GREB1L: variants seen among roughly 807,000 people sequenced by gnomAD.
GREB1L encodes the protein GREB1 like retinoic acid receptor coactivator.
Under a neutral mutation model 200.8 loss-of-function variants are expected in GREB1L, and 17 were observed. The ratio of observed to expected loss-of-function variants is 0.08; its 90% CI spans 0.06 to 0.13. GREB1L has a LOEUF of 0.13. Ranked by LOEUF, GREB1L falls within the 10% of genes least tolerant of loss-of-function variation. The pLI, the probability that GREB1L is intolerant of heterozygous loss-of-function variation, is 1.00. For synonymous variants in GREB1L, 789 were observed against 893.0 expected (o/e 0.88, Z 2.08); for missense variants, 1,657 against 2,367.7 (o/e 0.70, Z 6.23).
chr18:21,432,158 C>A lies in GREB1L; in HGVS notation c.833-7363C>A, dbSNP rs561503746. Among the ~76,000 whole-genome samples, 22 of 152,092 alleles carry A rather than the reference C, an allele frequency of 1.4e-4. 2 individuals are homozygous for A. The South Asian group carries it at 4.6e-3, about 32-fold the overall frequency. On this transcript the variant is annotated intron_variant, in intron 7 of 32. Coordinates refer to ENST00000424526, the MANE Select transcript of GREB1L (RefSeq NM_001142966.3). ...CAAGGTGGTTTCCATCTCCTGACTTCATGATCCGCCCACCTCGGCCTCCCA... is the reference window on the plus strand; with the variant it reads ...CAAGGTGGTTTCCATCTCCTGACTTAATGATCCGCCCACCTCGGCCTCCCA...
intron 17 of GREB1L, among the ~76,000 whole-genome samples, chr18:21,478,791 A>G (rs1439062419): frequency 6.6e-6 from 1 of 152,224 alleles, no homozygotes; most frequent in African/African-American, 2.4e-5. Context: ...CCAAACTACA[A>G]GGGGAGCCTG....
chr18:21,290,808 G>T (rs2038436524), intron 1 of GREB1L, among the ~76,000 whole-genome samples: 1 of 133,692 alleles, frequency 7.5e-6, no homozygotes, highest in Non-Finnish European at 1.5e-5. Flanking sequence ...CTGGGCAACA[G>T]AGCAAGACTC....
At chr18:21,475,486 G>A (rs902237473) in intron 16 of GREB1L, among the ~76,000 whole-genome samples, 1 of 152,080 alleles carries the variant, frequency 6.6e-6, no homozygotes, top group African/African-American at 2.4e-5. Context: ...AGCCTCCTGA[G>A]TAGCTGGGAT....
intron 10 of GREB1L, among the ~76,000 whole-genome samples, chr18:21,442,177 A>G (rs990071284): frequency 3.3e-5 from 5 of 152,186 alleles, no homozygotes; most frequent in African/African-American, 4.8e-5. Context: ...CCTACATTCC[A>G]GGACTAACTT....
intron 4 of GREB1L, among the ~76,000 whole-genome samples, chr18:21,386,974 T>A (rs1410251211): frequency 6.6e-6 from 1 of 152,188 alleles, no homozygotes; most frequent in East Asian, 1.9e-4. Flanking sequence ...CTCTATTTAC[T>A]TAAGGCTCAA....
chr18:21,521,416 AAAC>A (rs1412456414), intron 32 of GREB1L, among the ~76,000 whole-genome samples: 1 of 152,056 alleles, frequency 6.6e-6, no homozygotes, highest in African/African-American at 2.4e-5. Flanking sequence ...AACTAAGATT[AAAC>A]ATCACAGATA....
chr18:21,451,064 A>G lies in GREB1L; in HGVS notation c.1762A>G (p.Thr588Ala), dbSNP rs1347143486. Reference sequence around the variant, plus strand: ...AGCTCTGGCAGAGAGCATGCTCACCACAAGTGAGTTTTTGAAAGAAATTAG... The same window carrying G: ...AGCTCTGGCAGAGAGCATGCTCACCGCAAGTGAGTTTTTGAAAGAAATTAG... ...SRALAESMLT[T>A]SEFLKEISYE... The change falls in exon 13 of 33, where the codon ACA becomes GCA. Residue 588 changes from threonine (T) to alanine (A), a missense_variant. Physicochemically the swap from Thr to Ala is moderately conservative, Grantham distance 58 (BLOSUM62 0). Transcript: ENST00000424526. The G allele has an allele frequency of 6.4e-7, 1 of 1,552,010 alleles. No individual in the cohort carries two copies. Among genetic ancestry groups the G allele is most frequent in the Non-Finnish European group, 8.7e-7 (1 of 1,146,992 alleles).
intron 11 of GREB1L, among the ~76,000 whole-genome samples, chr18:21,447,088 A>G (rs1212409750): frequency 3.3e-5 from 5 of 152,162 alleles, no homozygotes; most frequent in Non-Finnish European, 4.4e-5. Context: ...CAAGCTTGCG[A>G]AAGTGGAGAA....
intron 24 of GREB1L, 86 bp downstream of exon 24, chr18:21,505,653 C>G (rs1421097530): frequency 1.4e-6 from 2 of 1,452,152 alleles, no homozygotes; most frequent in Admixed American, 4.6e-5. Context: ...TTCTTTCGCT[C>G]TTATGCGCAT....
At chr18:21,446,344 A>C (rs1337573081) in intron 11 of GREB1L, among the ~76,000 whole-genome samples, 1 of 152,152 alleles carries the variant, frequency 6.6e-6, no homozygotes, top group Non-Finnish European at 1.5e-5. Flanking sequence ...CTTAATAGCA[A>C]TTTTTAAAAT....
At chr18:21,451,906 GTTC>G (rs1200447102) in intron 13 of GREB1L, among the ~76,000 whole-genome samples, 174 bp from the exon 14 acceptor site, 1 of 152,168 alleles carries the variant, frequency 6.6e-6, no homozygotes, top group East Asian at 1.9e-4. Flanking sequence ...AATGAGAGTA[GTTC>G]TTGATATAGA....
chr18:21,490,146 A>G lies in GREB1L; in HGVS notation c.2825A>G (p.Asp942Gly). The change falls in exon 19 of 33, where the codon GAC (aspartate) becomes GGC (glycine). Residue 942 changes from aspartate to glycine, a missense_variant. By Grantham distance (94) the Asp-to-Gly change is moderately conservative. Around this residue, in one of 9 missense-constraint regions of GREB1L, gnomAD observed 82 missense variants for 95.9 expected, o/e 0.85. Coordinates refer to ENST00000424526, the MANE Select transcript of GREB1L (RefSeq NM_001142966.3). ...CCAGAAACACTCAGCATTATGGATGACCTCATCAGCTCCCCAGGCAAAAAC... is the reference window on the plus strand; with the variant it reads ...CCAGAAACACTCAGCATTATGGATGGCCTCATCAGCTCCCCAGGCAAAAAC... ...STPETLSIMD[D>G]LISSPGKNKS... 1 of 1,551,714 alleles carries G rather than the reference A, an allele frequency of 6.4e-7. No individual in the cohort carries two copies. The highest frequency in any genetic ancestry group is 2.4e-5 in the East Asian group (1 of 40,908).
chr18:21,249,525 G>A (rs2037664554), intron 1 of GREB1L, among the ~76,000 whole-genome samples: 1 of 152,144 alleles, frequency 6.6e-6, no homozygotes, highest in Admixed American at 6.6e-5. Flanking sequence ...TCCAGGTACT[G>A]TTGTTAAGTG....
intron 7 of GREB1L, among the ~76,000 whole-genome samples, chr18:21,424,437 T>C (rs2032402960): frequency 6.6e-6 from 1 of 151,890 alleles, no homozygotes; most frequent in Admixed American, 6.6e-5. Flanking sequence ...GCATGGATGG[T>C]GCATGCCTGT....
At chr18:21,430,174 C>A (rs1289475666) in intron 7 of GREB1L, among the ~76,000 whole-genome samples, 3 of 151,812 alleles carry the variant, frequency 2.0e-5, no homozygotes, top group Admixed American at 6.6e-5. Context: ...CAGTCACATT[C>A]GAAGGTTTTA....
At chr18:21,459,956 C>T (rs1200586099) in intron 15 of GREB1L, among the ~76,000 whole-genome samples, 1 of 152,064 alleles carries the variant, frequency 6.6e-6, no homozygotes, top group African/African-American at 2.4e-5. Flanking sequence ...GCACATTTAC[C>T]CCCCGCTTCA....
rs35010034 is a variant in GREB1L at position 21,386,593 on chromosome 18, C to CTTT, written c.355+2207_355+2209dup. 6.6e-3 allele frequency among the ~76,000 whole-genome samples: 758 copies of CTTT among 115,108 alleles called. 47 individuals are homozygous for CTTT. The highest frequency in any genetic ancestry group is 0.016 in the South Asian group (55 of 3,348). The allele number at this position is 115,108 out of a possible 152,430, so 75.5% of individuals were successfully genotyped here. ...GTGAGCCACTGTGCCTGGCCAGTAG[C>CTTT]TTTTTTTTTTTTTTTTTTTGAGTCC... On this transcript the variant is annotated intron_variant, in intron 4 of 32. Transcript: ENST00000424526.
chr18:21,250,217 T>G (rs2037680451), intron 1 of GREB1L, among the ~76,000 whole-genome samples: 1 of 152,166 alleles, frequency 6.6e-6, no homozygotes, highest in Non-Finnish European at 1.5e-5. Context: ...TCTTTTTACT[T>G]CAAATTCTTT....
intron 7 of GREB1L, among the ~76,000 whole-genome samples, chr18:21,439,090 G>A (rs992805103): frequency 9.2e-5 from 14 of 152,158 alleles, no homozygotes; most frequent in Admixed American, 5.2e-4. Context: ...TGGAGGGGAC[G>A]GAGGTAAGGG....
Sources: gnomAD v4.1 joint callset for allele counts (sites outside exome capture counted in the v4.1 genomes callset) on GRCh38, gnomAD v4.1.1 for gene constraint, gnomAD v4.1.1 regional missense constraint, MANE v1.5 for transcripts, NCBI Gene and HGNC (gene_info 2026-07-23, HGNC 2026-07-21) for gene names.